The following HYCC2 variants were observed in gnomAD, a reference collection of about 807,000 sequenced individuals.
HYCC2 encodes the protein hyccin PI4KA lipid kinase complex subunit 2.
the HYCC2 span, chr2:201,017,216 G>T: frequency 1.1e-5 from 16 of 1,425,020 alleles, no homozygotes; most frequent in Admixed American, 4.7e-5. Context: ...TCTTTTGGTT[G>T]TAACTGTTGT....
chr2:201,032,187 C>T, the HYCC2 span, among the ~76,000 whole-genome samples: 1 of 152,094 alleles, frequency 6.6e-6, no homozygotes, highest in Non-Finnish European at 1.5e-5. Flanking sequence ...GTCTCGAACT[C>T]CTGACTTCAA....
At chr2:201,016,152 A>G in the HYCC2 span, among the ~76,000 whole-genome samples, 1 of 152,226 alleles carries the variant, frequency 6.6e-6, no homozygotes, top group Non-Finnish European at 1.5e-5. Context: ...GAAGATATAA[A>G]TAAAATATTA....
At chr2:201,008,003 T>C in the HYCC2 span, among the ~76,000 whole-genome samples, 1 of 152,220 alleles carries the variant, frequency 6.6e-6, no homozygotes, top group East Asian at 1.9e-4. Flanking sequence ...TATATGTGTC[T>C]CTTTTGGCTG....
At chr2:201,024,528 C>T in the HYCC2 span, among the ~76,000 whole-genome samples, 1 of 151,438 alleles carries the variant, frequency 6.6e-6, no homozygotes, top group African/African-American at 2.4e-5. Flanking sequence ...TAATGATACA[C>T]TTGAAACCTA....
At chr2:201,033,175 G>A in the HYCC2 span, among the ~76,000 whole-genome samples, 1 of 144,780 alleles carries the variant, frequency 6.9e-6, no homozygotes, top group Non-Finnish European at 1.5e-5. Context: ...GTGTGTGTGT[G>A]TGTGTGTGTG....
At chr2:201,047,367 AAGG>A in the HYCC2 span, among the ~76,000 whole-genome samples, 428 of 151,216 alleles carry the variant, frequency 2.8e-3, 2 homozygotes, top group African/African-American at 0.01. Context: ...AAAGTAGTGA[AAGG>A]AGGAGAGGGA....
At chr2:201,011,060 G>A in the HYCC2 span, among the ~76,000 whole-genome samples, 6 of 152,060 alleles carry the variant, frequency 3.9e-5, no homozygotes, top group South Asian at 2.1e-4. Flanking sequence ...CAGGAGAATC[G>A]CTTGAACCCA....
the HYCC2 span, among the ~76,000 whole-genome samples, chr2:201,001,197 G>A: frequency 6.6e-6 from 1 of 151,182 alleles, no homozygotes; most frequent in African/African-American, 2.4e-5. Context: ...TGACAGCTCT[G>A]CCCTCCTACA....
At chr2:201,047,812 G>A in the HYCC2 span, among the ~76,000 whole-genome samples, 6 of 134,588 alleles carry the variant, frequency 4.5e-5, no homozygotes, top group African/African-American at 1.7e-4. Context: ...AAGGGCCAAA[G>A]AGAAAATAAC....
the HYCC2 span, among the ~76,000 whole-genome samples, chr2:201,034,707 G>A: frequency 6.6e-6 from 1 of 152,176 alleles, no homozygotes; most frequent in African/African-American, 2.4e-5. Context: ...AGCCTCAATG[G>A]TCTTTACAAT....
chr2:201,036,478 T>A, the HYCC2 span, among the ~76,000 whole-genome samples: 1 of 151,886 alleles, frequency 6.6e-6, no homozygotes, highest in East Asian at 2.0e-4. Context: ...GATGTGAACA[T>A]CAATGCAAAA....
the HYCC2 span, among the ~76,000 whole-genome samples, chr2:201,032,770 C>A: frequency 6.6e-6 from 1 of 152,166 alleles, no homozygotes. Context: ...GATCCTCCTG[C>A]CTCAGCCTCC....
the HYCC2 span, chr2:200,978,936 T>C: frequency 1.3e-5 from 2 of 152,232 alleles, no homozygotes; most frequent in African/African-American, 4.8e-5. Flanking sequence ...TGCCAATAAA[T>C]GCACAATTTG....
At chr2:201,071,484 C>A in the HYCC2 span, 2 of 152,614 alleles carry the variant, frequency 1.3e-5, no homozygotes. Context: ...GGACCACCAA[C>A]ACACCGGCTA....
At chr2:200,980,117 T>G in the HYCC2 span, 1 of 152,590 alleles carries the variant, frequency 6.6e-6, no homozygotes, top group Non-Finnish European at 1.5e-5. Context: ...TTTCAGCCAA[T>G]TGTCTGTCCC....
the HYCC2 span, chr2:200,988,473 G>T: frequency 7.2e-7 from 1 of 1,391,772 alleles, no homozygotes; most frequent in Non-Finnish European, 1.0e-6. Flanking sequence ...TGCAGTTTTT[G>T]TTTATACTAC....
At chr2:201,023,992 A>T in the HYCC2 span, 11 of 1,613,034 alleles carry the variant, frequency 6.8e-6, no homozygotes, top group East Asian at 2.0e-4. Flanking sequence ...CCACAACACA[A>T]CGGTCAGTTC....
the HYCC2 span, among the ~76,000 whole-genome samples, chr2:200,986,074 T>C: frequency 2.0e-5 from 3 of 152,216 alleles, no homozygotes; most frequent in African/African-American, 7.2e-5. Context: ...TATGTGTTTA[T>C]ACAAGATAAA....
the HYCC2 span, among the ~76,000 whole-genome samples, chr2:201,030,843 T>C: frequency 6.6e-6 from 1 of 152,188 alleles, no homozygotes; most frequent in Non-Finnish European, 1.5e-5. Flanking sequence ...CCTCCTAAAG[T>C]GCTGGGATTA....
Sources: allele counts gnomAD v4.1 joint callset (sites outside exome capture counted in the v4.1 genomes callset), GRCh38; gene constraint gnomAD v4.1.1; transcripts MANE v1.5; gene names NCBI Gene and HGNC (gene_info 2026-07-23, HGNC 2026-07-21).